SEMA3C: variants seen among roughly 807,000 people sequenced by gnomAD.
SEMA3C encodes the protein semaphorin 3C.
Under a neutral mutation model 89.4 loss-of-function variants are expected in SEMA3C, and 47 were observed. The observed-to-expected ratio is 0.53, with a 90% CI of 0.42 to 0.67. The LOEUF (loss-of-function observed/expected upper bound fraction) is 0.67. SEMA3C is among the 30% of genes least tolerant of loss of function. The pLI, the probability that SEMA3C is intolerant of heterozygous loss-of-function variation, is 0.00. For missense variants in SEMA3C, 839 were observed against 929.1 expected (o/e 0.90, Z 1.26); for synonymous variants, 310 against 320.2 (o/e 0.97, Z 0.34).
At chr7:80,900,359 C>T (rs1791848835) in intron 2 of SEMA3C, among the ~76,000 whole-genome samples, 2 of 152,124 alleles carry the variant, frequency 1.3e-5, no homozygotes, top group Admixed American at 1.3e-4. Context: ...GTGATCCATC[C>T]ACCTTGGTCT....
At chr7:80,769,279 A>G (rs933693772) in intron 12 of SEMA3C, among the ~76,000 whole-genome samples, 1 of 152,202 alleles carries the variant, frequency 6.6e-6, no homozygotes, top group Non-Finnish European at 1.5e-5. Context: ...CAGTTGCCCT[A>G]TGAAAAGAGA....
At position 80,844,636 on chromosome 7, in the gene SEMA3C, T is replaced by TTC. The variant is rs1203232033; in HGVS notation, c.104-15893_104-15892dup. ...CAGAAAATATTGACTGTGATCATTA[T>TTC]TCTCATATTTAAGGAATAATAATAA... is the stretch of plus-strand genomic sequence containing the variant. On this transcript the variant is annotated intron_variant, in intron 2 of 17. Transcript: ENST00000265361. Among the ~76,000 whole-genome samples the TTC allele has an allele frequency of 3.9e-5, 6 of 152,310 alleles. No individual in the cohort carries two copies. The East Asian group carries it at 9.7e-4, about 25-fold the overall frequency.
chr7:80,774,656 A>C (rs1365768070), intron 12 of SEMA3C, among the ~76,000 whole-genome samples: 2 of 152,172 alleles, frequency 1.3e-5, no homozygotes, highest in East Asian at 3.8e-4. Flanking sequence ...AAGACAGATT[A>C]TAGAATTTAT....
chr7:80,839,767 T>C (rs1469326899), intron 2 of SEMA3C, among the ~76,000 whole-genome samples: 1 of 151,862 alleles, frequency 6.6e-6, no homozygotes, highest in Non-Finnish European at 1.5e-5. Flanking sequence ...TGACCTGACA[T>C]GGTATATCAT....
At chr7:80,849,139 T>A (rs551330975) in intron 2 of SEMA3C, among the ~76,000 whole-genome samples, 5 of 152,322 alleles carry the variant, frequency 3.3e-5, no homozygotes, top group Admixed American at 2.0e-4. Flanking sequence ...TCTACCTAAT[T>A]CTACCATGAG....
intron 2 of SEMA3C, among the ~76,000 whole-genome samples, chr7:80,859,227 A>G (rs1790715830): frequency 6.6e-6 from 1 of 152,110 alleles, no homozygotes; most frequent in Admixed American, 6.6e-5. Context: ...AGCCACTGTA[A>G]TGGTTTATCC....
chr7:80,889,177 A>G (rs1029093543), intron 2 of SEMA3C, among the ~76,000 whole-genome samples: 2 of 152,188 alleles, frequency 1.3e-5, no homozygotes, highest in African/African-American at 4.8e-5. Flanking sequence ...TTTGAATTTT[A>G]TATTACAAAT....
chr7:80,873,626 C>T (rs759966721), intron 2 of SEMA3C, among the ~76,000 whole-genome samples: 48 of 152,266 alleles, frequency 3.2e-4, no homozygotes, highest in South Asian at 4.1e-4. Context: ...CTCTTCATTG[C>T]CATTCCTCTT....
intron 11 of SEMA3C, among the ~76,000 whole-genome samples, chr7:80,797,696 C>T (rs1789097020): frequency 6.6e-6 from 1 of 152,038 alleles, no homozygotes; most frequent in Non-Finnish European, 1.5e-5. Context: ...CATGGTTATT[C>T]CTTAATTAAA....
chr7:80,875,421 A>C (rs2189958), intron 2 of SEMA3C, among the ~76,000 whole-genome samples: 20,886 of 152,024 alleles, frequency 0.14, 2,446 homozygotes, highest in African/African-American at 0.32. Context: ...TTAAAGACAC[A>C]TTTCTGGGAG....
chr7:80,829,019 T>G (rs2115818619), intron 2 of SEMA3C, among the ~76,000 whole-genome samples: 1 of 152,040 alleles, frequency 6.6e-6, no homozygotes, highest in South Asian at 2.1e-4. Flanking sequence ...TTTAGAAAAT[T>G]AACTGGGCAT....
At chr7:80,863,874 ATG>A (rs1205100605) in intron 2 of SEMA3C, among the ~76,000 whole-genome samples, 1 of 130,664 alleles carries the variant, frequency 7.7e-6, no homozygotes, top group East Asian at 2.4e-4. Context: ...TCACATATAT[ATG>A]TATCACATAT....
intron 13 of SEMA3C, among the ~76,000 whole-genome samples, chr7:80,764,602 T>C (rs1788255714): frequency 6.6e-6 from 1 of 151,994 alleles, no homozygotes; most frequent in African/African-American, 2.4e-5. Flanking sequence ...TTATCCCAAA[T>C]TCAAGGACAA....
intron 2 of SEMA3C, among the ~76,000 whole-genome samples, chr7:80,830,155 A>G (rs1359406182): frequency 6.6e-6 from 1 of 152,216 alleles, no homozygotes; most frequent in East Asian, 1.9e-4. Flanking sequence ...AAGTAGTTTC[A>G]GCCAATAATC....
chr7:80,859,494 C>T (rs1221695294), intron 2 of SEMA3C, among the ~76,000 whole-genome samples: 1 of 152,140 alleles, frequency 6.6e-6, no homozygotes, highest in Non-Finnish European at 1.5e-5. Flanking sequence ...CTCACAAATG[C>T]TCAGAAGAGC....
intron 14 of SEMA3C, 26 bp downstream of exon 14, chr7:80,761,590 A>G: frequency 8.5e-7 from 1 of 1,170,762 alleles, no homozygotes; most frequent in Non-Finnish European, 1.2e-6. Context: ...CAATAAGCAA[A>G]GAACATAAAA....
intron 2 of SEMA3C, among the ~76,000 whole-genome samples, chr7:80,878,276 G>T (rs1791247559): frequency 6.6e-6 from 1 of 152,168 alleles, no homozygotes; most frequent in Non-Finnish European, 1.5e-5. Context: ...ACTTGGGAAA[G>T]CTGAGGCAGG....
At chr7:80,765,071 T>A (rs1441301664) in intron 13 of SEMA3C, 84 bp downstream of exon 13, 19 of 849,752 alleles carry the variant, frequency 2.2e-5, no homozygotes, top group Non-Finnish European at 3.3e-5. Flanking sequence ...TTTTATCAAA[T>A]ATAGTTTCCT....
At chr7:80,860,674 G>A (rs1790750776) in intron 2 of SEMA3C, among the ~76,000 whole-genome samples, 1 of 152,090 alleles carries the variant, frequency 6.6e-6, no homozygotes, top group Admixed American at 6.6e-5. Flanking sequence ...CCAAGGTCAA[G>A]GGCCCATGGT....
Sources: gnomAD v4.1 joint callset for allele counts (sites outside exome capture counted in the v4.1 genomes callset) on GRCh38, gnomAD v4.1.1 for gene constraint, MANE v1.5 for transcripts, NCBI Gene and HGNC (gene_info 2026-07-23, HGNC 2026-07-21) for gene names.